The following NRXN1 variants were observed in gnomAD, a reference collection of about 807,000 sequenced individuals.
NRXN1 encodes neurexin 1, also known as neurexin-1.
A neutral mutation model predicts 150.9 loss-of-function variants in NRXN1; 39 were observed. The ratio of observed to expected loss-of-function variants is 0.26; its 90% confidence interval spans 0.20 to 0.34. The LOEUF (loss-of-function observed/expected upper bound fraction) is 0.34, where lower values mean the gene tolerates loss of function less well. Ranked by LOEUF, NRXN1 falls within the 10% of genes least tolerant of loss-of-function variation. The pLI is 1.00. For missense variants in NRXN1, 1,815 were observed against 1,949.9 expected, an observed-to-expected ratio of 0.93 and a Z score of 1.30; for synonymous variants, 924 against 757.0, an observed-to-expected ratio of 1.22 and a Z score of -3.62.
chr2:50,669,785 G>A (rs1156278258), intron 5 of NRXN1, among the ~76,000 whole-genome samples: 2 of 149,846 alleles, frequency 1.3e-5, no homozygotes, highest in African/African-American at 4.9e-5. Flanking sequence ...ATGCATGTTG[G>A]CTTTTCCACA....
intron 17 of NRXN1, among the ~76,000 whole-genome samples, chr2:50,408,952 T>C (rs1294099228): frequency 6.6e-6 from 1 of 151,694 alleles, no homozygotes; most frequent in African/African-American, 2.4e-5. Context: ...TTAAAACATC[T>C]GACACAAACA....
chr2:50,967,136 C>G (rs767710994), intron 2 of NRXN1, among the ~76,000 whole-genome samples: 2 of 151,892 alleles, frequency 1.3e-5, no homozygotes, highest in Non-Finnish European at 2.9e-5. Context: ...ATAATATCTT[C>G]CATTTTAATC....
At chr2:50,438,053 T>A (rs549303971) in intron 17 of NRXN1, among the ~76,000 whole-genome samples, 1 of 152,286 alleles carries the variant, frequency 6.6e-6, no homozygotes, top group Admixed American at 6.5e-5. Flanking sequence ...ACACCAAAAA[T>A]AAATTTCCTG....
intron 17 of NRXN1, among the ~76,000 whole-genome samples, chr2:50,431,733 A>G (rs1413825178): frequency 1.3e-5 from 2 of 152,232 alleles, no homozygotes; most frequent in East Asian, 3.8e-4. Context: ...AGAGTTGAAT[A>G]GCTGCAACAG....
intron 21 of NRXN1, among the ~76,000 whole-genome samples, chr2:49,981,346 A>C (rs1003947402): frequency 1.3e-5 from 2 of 152,180 alleles, no homozygotes; most frequent in East Asian, 1.9e-4. Context: ...TCCATGGACA[A>C]GTCCATCAGA....
chr2:49,988,135 G>T (rs1681246219), intron 21 of NRXN1, among the ~76,000 whole-genome samples: 1 of 151,980 alleles, frequency 6.6e-6, no homozygotes, highest in Non-Finnish European at 1.5e-5. Context: ...TGATGGTTGG[G>T]AAATATATAT....
At chr2:50,105,668 G>A (rs1247061280) in intron 18 of NRXN1, among the ~76,000 whole-genome samples, 1 of 151,932 alleles carries the variant, frequency 6.6e-6, no homozygotes, top group East Asian at 1.9e-4. Context: ...AAATAGGCAA[G>A]GAAATGAGAG....
chr2:50,927,848 T>C (rs553513891), intron 2 of NRXN1, among the ~76,000 whole-genome samples: 2 of 151,910 alleles, frequency 1.3e-5, no homozygotes, highest in South Asian at 4.1e-4. Context: ...TCGGTAGAAA[T>C]TTTGGTAAAG....
At position 50,346,900 on chromosome 2, in the gene NRXN1, C is replaced by CCGCCGCCGA; in HGVS notation, c.3365-109931_3365-109930insTCGGCGGCG. ...GCCGCCGCCGCCGCCGCCGCCGCCG[C>CCGCCGCCGA]CCCCGGGCGAGCCCAGCTCGGCGCC... On this transcript the variant is annotated intron_variant, in intron 17 of 22. Coordinates refer to ENST00000401669, the MANE Select transcript of NRXN1 (RefSeq NM_001330078.2). The surrounding 1 kb of genome is among the most constrained non-coding windows in gnomAD (Gnocchi z 5.0). 5.4e-6 allele frequency: 7 copies of CCGCCGCCGA among 1,296,808 alleles called. No individual in the cohort carries two copies. Among genetic ancestry groups the CCGCCGCCGA allele is most frequent in the Non-Finnish European group, 4.9e-6 (5 of 1,024,252 alleles). The allele number at this position is 1,296,808 out of a possible 1,614,324, so 80.3% of individuals were successfully genotyped here.
intron 18 of NRXN1, among the ~76,000 whole-genome samples, chr2:50,162,192 C>T (rs2059404623): frequency 6.6e-6 from 1 of 152,006 alleles, no homozygotes; most frequent in Non-Finnish European, 1.5e-5. Context: ...ACTGATCTAT[C>T]ATTCAGGACA....
intron 4 of NRXN1, chr2:50,922,442 GA>G: frequency 1.6e-6 from 1 of 625,450 alleles, no homozygotes. Flanking sequence ...TATAATGCAA[GA>G]AATGAAGGAA....
At chr2:50,409,911 T>G (rs893723975) in intron 17 of NRXN1, among the ~76,000 whole-genome samples, 1 of 152,200 alleles carries the variant, frequency 6.6e-6, no homozygotes, top group Non-Finnish European at 1.5e-5. Flanking sequence ...CGTTCCTTCA[T>G]TAGTTACAGG....
rs541311329 is a variant in NRXN1, at chr2:50,975,414, G to T, written c.773-49459C>A. ...TCATTGCATACATACACACATACAA[G>T]TCTCTTTCCATACTTTTCTATTCTC... On this transcript the variant is annotated intron_variant, in intron 2 of 22. Coordinates refer to ENST00000401669, the MANE Select transcript of NRXN1 (RefSeq NM_001330078.2). Among the ~76,000 whole-genome samples, 3 of 152,072 alleles carry T rather than the reference G, an allele frequency of 2.0e-5. No individual in the cohort carries two copies. The South Asian group carries it at 6.2e-4, about 32-fold the overall frequency.
chr2:49,929,236 C>G (rs1291389168), intron 22 of NRXN1, among the ~76,000 whole-genome samples: 2 of 152,130 alleles, frequency 1.3e-5, no homozygotes, highest in Non-Finnish European at 2.9e-5. Context: ...CCACATCGAA[C>G]AGAAGAGACA....
In NRXN1 at chr2:50,768,803, TC is replaced by T. The variant is rs570636876; in HGVS notation, c.833-145189del. Among the ~76,000 whole-genome samples the T allele has an allele frequency of 1.5e-4, 22 of 151,688 alleles. No individual in the cohort carries two copies. The South Asian group carries it at 4.4e-3, about 30-fold the overall frequency. ...ATTTTACATATTGATAGCTCACAAC[TC>T]CCTCAACCTCACACTCTACATCCAC... On this transcript the variant is annotated intron_variant, in intron 5 of 22. Transcript: ENST00000401669.
chr2:50,284,578 T>G (rs1035838969), intron 17 of NRXN1, among the ~76,000 whole-genome samples: 5 of 151,940 alleles, frequency 3.3e-5, no homozygotes, highest in Non-Finnish European at 7.4e-5. Flanking sequence ...CGTAGGGGAG[T>G]GTCTACCACA....
At chr2:50,596,457 C>G (rs961700271) in intron 8 of NRXN1, among the ~76,000 whole-genome samples, 10 of 152,252 alleles carry the variant, frequency 6.6e-5, no homozygotes, top group African/African-American at 2.4e-4. Context: ...TTATCCTACT[C>G]CCCTTTCACA....
intron 18 of NRXN1, among the ~76,000 whole-genome samples, chr2:50,159,968 T>C (rs1392832736): frequency 1.3e-5 from 2 of 152,182 alleles, no homozygotes; most frequent in African/African-American, 4.8e-5. Context: ...ATATTCTAAA[T>C]GTTTACAAAG....
At chr2:49,944,736 T>A (rs1453496309) in intron 21 of NRXN1, among the ~76,000 whole-genome samples, 1 of 152,160 alleles carries the variant, frequency 6.6e-6, no homozygotes, top group Non-Finnish European at 1.5e-5. Flanking sequence ...GAATCCAATG[T>A]ATACAAATAA....
Sources: allele counts gnomAD v4.1 joint callset (sites outside exome capture counted in the v4.1 genomes callset), GRCh38; gene constraint gnomAD v4.1.1; non-coding constraint Gnocchi (gnomAD v3.1); transcripts MANE v1.5; gene names NCBI Gene and HGNC (gene_info 2026-07-23, HGNC 2026-07-21).